The following ARHGAP11A variants were observed in gnomAD, a reference collection of about 807,000 sequenced individuals.
ARHGAP11A encodes rho GTPase-activating protein 11A.
ARHGAP11A carries 36 observed loss-of-function variants against 60.5 expected under a neutral mutation model. The ratio of observed to expected loss-of-function variants is 0.59; its 90% CI spans 0.46 to 0.79. ARHGAP11A has a LOEUF of 0.79. ARHGAP11A is among the 30% of genes least tolerant of loss of function. ARHGAP11A has a pLI of 0.00. For missense variants in ARHGAP11A, 1,071 were observed against 1,199.2 expected (o/e 0.89, Z 1.58); for synonymous variants, 362 against 415.5 (o/e 0.87, Z 1.57).
At chr15:32,628,325 T>A (rs1402416657) in intron 6 of ARHGAP11A, among the ~76,000 whole-genome samples, 2 of 152,240 alleles carry the variant, frequency 1.3e-5, no homozygotes, top group Non-Finnish European at 2.9e-5. Flanking sequence ...CTTACACTAT[T>A]TATTGATATA....
At position 32,632,975 on chromosome 15, in the gene ARHGAP11A, G is replaced by A. The variant is rs746343192; in HGVS notation, c.1106-4G>A. 6 of 1,609,078 alleles carry A rather than the reference G, an allele frequency of 3.7e-6. No homozygotes were observed. The highest frequency in any genetic ancestry group is 2.2e-5 in the East Asian group (1 of 44,812). ...TGGTATATTACATGTGGTTATTTTT[G>A]TAGTTCACATCGATACAAGCTCAGA... On this transcript the variant is annotated splice_polypyrimidine_tract_variant and splice_region_variant and intron_variant, in intron 8 of 11. Coordinates refer to ENST00000361627, the MANE Select transcript of ARHGAP11A (RefSeq NM_014783.6).
In ARHGAP11A at chr15:32,637,845, AT is replaced by A. The variant is rs749260374; in HGVS notation, c.*2del. On this transcript the variant is annotated 3_prime_UTR_variant, in exon 12 of 12. Transcript: ENST00000361627. ...CAACAAGTAAACCTGTAGATTTGTAATTGGTAAATGTTATACTTGTCATTAA... is the reference window on the plus strand; with the variant it reads ...CAACAAGTAAACCTGTAGATTTGTAATGGTAAATGTTATACTTGTCATTAA... 1.9e-6 allele frequency: 3 copies of A among 1,584,602 alleles called. No individual in the cohort carries two copies. In the South Asian group the frequency reaches 3.5e-5, roughly 19 times the overall value.
In ARHGAP11A at chr15:32,637,481, A is replaced by G; in HGVS notation, c.2708A>G (p.Gln903Arg). ...VSCIKSGPKEQKSMSCEESNI... is the reference protein window; with the variant it reads ...VSCIKSGPKERKSMSCEESNI... ...TGTATCAAATCAGGTCCTAAAGAACAGAAGTCCATGTCATGTGAAGAGTCA... is the reference window on the plus strand; with the variant it reads ...TGTATCAAATCAGGTCCTAAAGAACGGAAGTCCATGTCATGTGAAGAGTCA... The change falls in exon 12 of 12, where the codon CAG (glutamine) becomes CGG (arginine). Residue 903 changes from glutamine to arginine, a missense_variant. Transcript: ENST00000361627. 6.2e-7 allele frequency: 1 copy of G among 1,614,052 alleles called. No homozygotes were observed. The highest frequency in any genetic ancestry group is 8.5e-7 in the Non-Finnish European group (1 of 1,180,046).
chr15:32,633,236 A>G, intron 9 of ARHGAP11A, 128 bp downstream of exon 9: 11 of 1,046,016 alleles, frequency 1.1e-5, no homozygotes, highest in Non-Finnish European at 1.5e-5. Context: ...TTCTGCCTTT[A>G]TAGTCTTATT....
chr15:32,637,684 G>C lies in ARHGAP11A; in HGVS notation c.2911G>C (p.Val971Leu). Reference protein sequence around the residue: ...PLDDLTNHDIVKPVVNNNMGI... With the variant: ...PLDDLTNHDILKPVVNNNMGI... ...GGATGATCTGACTAATCATGATATA[G>C]TAAAACCAGTTGTAAATAACAACAT... Residue 971 changes from valine to leucine, a missense_variant, in exon 12 of 12, where the codon GTA becomes CTA. By Grantham distance (32) the Val-to-Leu change is conservative. Transcript: ENST00000361627. The C allele has an allele frequency of 6.2e-7, 1 of 1,614,162 alleles. No individual in the cohort carries two copies.
rs1235764797 is a variant in ARHGAP11A at position 32,637,413 on chromosome 15, T to C, written c.2640T>C (p.Leu880=). Residue 880 remains leucine (L), a synonymous_variant, in exon 12 of 12, where the codon CTT becomes CTC. Coordinates refer to ENST00000361627, the MANE Select transcript of ARHGAP11A (RefSeq NM_014783.6). ...AATCAGTGAGCTGTGACGGTGCTCT[T>C]TCCTCTTGTATAGAAAGTGCATCAA... ...LVKSVSCDGA[L]SSCIESASKD... is the part of the protein sequence containing the mutation. 6.2e-7 allele frequency: 1 copy of C among 1,614,192 alleles called. No individual in the cohort carries two copies. Among genetic ancestry groups the C allele is most frequent in the Non-Finnish European group, 8.5e-7 (1 of 1,180,022 alleles).
At chr15:32,631,094 T>G (rs565456822) in intron 8 of ARHGAP11A, among the ~76,000 whole-genome samples, 1 of 152,340 alleles carries the variant, frequency 6.6e-6, no homozygotes, top group Non-Finnish European at 1.5e-5. Context: ...ATAAAAAAAT[T>G]TAAAAGTTCA....
intron 1 of ARHGAP11A, 45 bp from the exon 2 acceptor site, chr15:32,620,060 ATAT>A (rs2053256989): frequency 6.5e-7 from 1 of 1,545,564 alleles, no homozygotes. Context: ...AAGAAAACTG[ATAT>A]TATGCCTAAT....
rs536928735 is a variant in ARHGAP11A, at chr15:32,637,020, G to A, written c.2247G>A (p.Pro749=). The change falls in exon 12 of 12, where the codon CCG becomes CCA. Residue 749 remains proline, a synonymous_variant. Coordinates refer to ENST00000361627, the MANE Select transcript of ARHGAP11A (RefSeq NM_014783.6). The part of the protein sequence containing the change: ...ENENMMEGNL[P]KCAAHSKDEA... Reference sequence around the variant, plus strand: ...AGAATATGATGGAAGGTAACTTACCGAAGTGTGCAGCACATAGCAAGGACG... The same window carrying A: ...AGAATATGATGGAAGGTAACTTACCAAAGTGTGCAGCACATAGCAAGGACG... The A allele has an allele frequency of 2.9e-5, 46 of 1,613,022 alleles. No individual in the cohort carries two copies. In the South Asian group the frequency reaches 4.7e-4, roughly 17 times the overall value.
Position 32,636,588 on chromosome 15 carries a change from A to C in ARHGAP11A, c.1815A>C (p.Glu605Asp), listed in dbSNP as rs760976558. The C allele has an allele frequency of 1.9e-6, 3 of 1,614,044 alleles. No homozygotes were observed. The highest frequency in any genetic ancestry group is 1.7e-6 in the Non-Finnish European group (2 of 1,180,010). ...TLVKVQKAFS[E>D]SGSNLHALMN... ...TGAAAGTTCAAAAAGCGTTTTCTGA[A>C]TCTGGAAGTAATCTTCACGCATTGA... Residue 605 changes from glutamate to aspartate, a missense_variant, in exon 12 of 12, where the codon GAA becomes GAC. Glu to Asp is a conservative substitution (Grantham distance 45). Coordinates refer to ENST00000361627, the MANE Select transcript of ARHGAP11A (RefSeq NM_014783.6).
intron 10 of ARHGAP11A, 89 bp downstream of exon 10, chr15:32,634,130 C>T: frequency 1.2e-6 from 1 of 813,194 alleles, no homozygotes. Context: ...ACCTTCCTTC[C>T]AGTGACTGTC....
intron 6 of ARHGAP11A, among the ~76,000 whole-genome samples, chr15:32,628,376 T>A (rs1000272450): frequency 6.6e-6 from 1 of 152,234 alleles, no homozygotes; most frequent in African/African-American, 2.4e-5. Context: ...TAAATACTTT[T>A]ATTCGTGCCT....
intron 10 of ARHGAP11A, among the ~76,000 whole-genome samples, chr15:32,635,468 G>T (rs1040340163): frequency 6.6e-6 from 1 of 152,062 alleles, no homozygotes; most frequent in African/African-American, 2.4e-5. Context: ...TTTGGTCTAG[G>T]TACCCCACTG....
At chr15:32,621,822 AAAAAAAAAAAAAAAAAAG>A (rs2053322356) in intron 2 of ARHGAP11A, among the ~76,000 whole-genome samples, 1 of 62,314 alleles carries the variant, frequency 1.6e-5, no homozygotes, top group African/African-American at 6.4e-5. Context: ...ACTCCGTCTC[AAAAAAAAAAAAAAAAAAG>A]AAAAAAAAAG....
In ARHGAP11A at chr15:32,616,159, G is replaced by A. The variant is rs193237097; in HGVS notation, c.-53G>A. On this transcript the variant is annotated 5_prime_UTR_variant, in exon 1 of 12. Transcript: ENST00000361627. ...TTTGGAAATTGGAAGACTTGGTGGC[G>A]AACGAGGGTCAGGACCTGCATCCTG... 325 of 1,569,660 alleles carry A rather than the reference G, an allele frequency of 2.1e-4. 1 individual carries two copies. In the East Asian group the frequency reaches 7.3e-3, roughly 35 times the overall value.
rs574326828 is a variant in ARHGAP11A, at chr15:32,620,243, G to A, written c.200+65G>A. 167 of 1,609,386 alleles carry A rather than the reference G, an allele frequency of 1.0e-4. 1 individual carries two copies. The African/African-American group carries it at 2.0e-3, about 19-fold the overall frequency. On this transcript the variant is annotated intron_variant, in intron 2 of 11. Coordinates refer to ENST00000361627, the MANE Select transcript of ARHGAP11A (RefSeq NM_014783.6). ...CATATGCCTGTAACCCCAGCATTTT[G>A]AGAGGCCGAGGTGGGCAAATCACTT...
chr15:32,619,136 TA>T (rs1281222748), intron 1 of ARHGAP11A, among the ~76,000 whole-genome samples: 1 of 152,176 alleles, frequency 6.6e-6, no homozygotes. Context: ...ATTGTAAATA[TA>T]AAGTTAAATA....
Position 32,620,369 on chromosome 15 carries a change from CAG to C in ARHGAP11A, c.200+192_200+193del, listed in dbSNP as rs555760194. Among the ~76,000 whole-genome samples the C allele has an allele frequency of 3.9e-4, 59 of 152,256 alleles. No homozygotes were observed. The South Asian group carries it at 0.012, about 31-fold the overall frequency. On this transcript the variant is annotated intron_variant, in intron 2 of 11. Transcript: ENST00000361627. Reference sequence around the variant, plus strand: ...GAGCACACTTGTAGTCCCAGCTACTCAGGGGCCTGGGGTGGGAGGATTGCTTG... The same window carrying C: ...GAGCACACTTGTAGTCCCAGCTACTCGGGCCTGGGGTGGGAGGATTGCTTG...
chr15:32,625,374 G>T lies in ARHGAP11A; in HGVS notation c.716-113G>T, dbSNP rs542096565. The T allele has an allele frequency of 2.1e-3, 3,038 of 1,473,580 alleles. 35 individuals carry two copies. The African/African-American group carries it at 0.029, about 14-fold the overall frequency. The allele number at this position is 1,473,580 out of a possible 1,614,324, so 91.3% of individuals were successfully genotyped here. A position where few individuals can be genotyped will look rare whatever the true frequency, so the allele number is the denominator to read the frequency against. ...ACCTCACCCCCACCCTACAGTACCGGCCCCTCCTGCAAAGAAAAAAAGAAA... is the reference window on the plus strand; with the variant it reads ...ACCTCACCCCCACCCTACAGTACCGTCCCCTCCTGCAAAGAAAAAAAGAAA... On this transcript the variant is annotated intron_variant, in intron 5 of 11. Coordinates refer to ENST00000361627, the MANE Select transcript of ARHGAP11A (RefSeq NM_014783.6).
Sources: allele counts gnomAD v4.1 joint callset (sites outside exome capture counted in the v4.1 genomes callset), GRCh38; gene constraint gnomAD v4.1.1; transcripts MANE v1.5; gene names NCBI Gene and HGNC (gene_info 2026-07-23, HGNC 2026-07-21).